NCALD: variants seen among roughly 807,000 people sequenced by gnomAD.
The protein encoded by NCALD is neurocalcin-delta.
Under a neutral mutation model 18.6 loss-of-function variants are expected in NCALD, and 10 were observed. The ratio of observed to expected loss-of-function variants is 0.54; its 90% CI spans 0.33 to 0.91. The LOEUF is 0.91. NCALD is among the 40% of genes least tolerant of loss of function. The pLI, the probability that NCALD is intolerant of heterozygous loss-of-function variation, is 0.03. For missense variants in NCALD, 184 were observed against 247.6 expected (o/e 0.74, Z 1.72); for synonymous variants, 88 against 87.4 (o/e 1.01, Z -0.04).
At chr8:101,857,909 C>A (rs907054536) in intron 4 of NCALD, among the ~76,000 whole-genome samples, 3 of 152,124 alleles carry the variant, frequency 2.0e-5, no homozygotes, top group Non-Finnish European at 2.9e-5. Context: ...TAAAATATTT[C>A]CTGACAAATT....
intron 1 of NCALD, among the ~76,000 whole-genome samples, chr8:102,058,146 C>T (rs1823719190): frequency 6.6e-6 from 1 of 152,184 alleles, no homozygotes; most frequent in South Asian, 2.1e-4. Flanking sequence ...AATGAGGACA[C>T]AGGTCAAACA....
intron 1 of NCALD, among the ~76,000 whole-genome samples, chr8:102,108,248 C>T (rs1825535553): frequency 6.6e-6 from 1 of 152,206 alleles, no homozygotes; most frequent in African/African-American, 2.4e-5. Context: ...CACAAAAACA[C>T]ACATCAATCA....
chr8:101,999,242 T>C (rs181771352), intron 2 of NCALD, among the ~76,000 whole-genome samples: 1 of 152,048 alleles, frequency 6.6e-6, no homozygotes, highest in East Asian at 1.9e-4. Context: ...TGCAAAAATA[T>C]AGAACCAGCC....
chr8:101,807,234 G>T (rs940344556), intron 4 of NCALD, among the ~76,000 whole-genome samples: 1 of 152,086 alleles, frequency 6.6e-6, no homozygotes, highest in Admixed American at 6.5e-5. Context: ...AATTATAAAA[G>T]ATGTCACAAA....
chr8:102,047,024 T>A (rs1165120305), intron 1 of NCALD, among the ~76,000 whole-genome samples: 1 of 152,194 alleles, frequency 6.6e-6, no homozygotes, highest in South Asian at 2.1e-4. Flanking sequence ...TTCTTTGCGT[T>A]CACAGGTTCT....
At chr8:101,837,409 C>T (rs1030086432) in intron 4 of NCALD, among the ~76,000 whole-genome samples, 1 of 149,138 alleles carries the variant, frequency 6.7e-6, no homozygotes, top group Non-Finnish European at 1.5e-5. Context: ...CATTTAATTC[C>T]GTTATTTACA....
At chr8:101,757,825 A>G (rs143552186) in intron 1 of NCALD, among the ~76,000 whole-genome samples, 19 of 152,328 alleles carry the variant, frequency 1.2e-4, no homozygotes, top group African/African-American at 4.6e-4. Context: ...GTAAATGTGA[A>G]CATAATTTCT....
intron 2 of NCALD, among the ~76,000 whole-genome samples, chr8:101,930,771 T>C (rs1159877403): frequency 6.6e-6 from 1 of 152,132 alleles, no homozygotes; most frequent in Non-Finnish European, 1.5e-5. Flanking sequence ...GCAATCCAGA[T>C]AGCAGCATTC....
At chr8:101,694,997 G>A (rs1351614435) in intron 2 of NCALD, among the ~76,000 whole-genome samples, 1 of 152,144 alleles carries the variant, frequency 6.6e-6, no homozygotes. Context: ...CTCCCACAGT[G>A]GAAGCTTTTC....
chr8:102,026,971 G>A (rs1477984701), intron 1 of NCALD, among the ~76,000 whole-genome samples: 1 of 152,234 alleles, frequency 6.6e-6, no homozygotes, highest in Non-Finnish European at 1.5e-5. Context: ...AGTCTGAGCT[G>A]TACGTTGGCT....
At chr8:101,917,604 A>C (rs1432191661) in intron 2 of NCALD, among the ~76,000 whole-genome samples, 2 of 148,362 alleles carry the variant, frequency 1.3e-5, no homozygotes, top group African/African-American at 2.6e-5. Flanking sequence ...ACAAAAAAAA[A>C]GATACAAATA....
intron 2 of NCALD, among the ~76,000 whole-genome samples, chr8:101,958,700 T>C (rs868622580): frequency 9.9e-5 from 15 of 152,106 alleles, no homozygotes; most frequent in African/African-American, 3.1e-4. Flanking sequence ...GGAGGCTAAA[T>C]AACTCACCCA....
chr8:101,821,358 A>G (rs1443909188), intron 4 of NCALD, among the ~76,000 whole-genome samples: 1 of 152,206 alleles, frequency 6.6e-6, no homozygotes, highest in Admixed American at 6.5e-5. Flanking sequence ...ATGTACATTA[A>G]CCAACATATT....
At chr8:101,735,585 G>A (rs541728308) in intron 1 of NCALD, among the ~76,000 whole-genome samples, 1 of 152,226 alleles carries the variant, frequency 6.6e-6, no homozygotes, top group South Asian at 2.1e-4. Context: ...TTTTAAGTAT[G>A]TCCCAAATGT....
intron 2 of NCALD, among the ~76,000 whole-genome samples, chr8:102,015,358 A>G (rs1018151617): frequency 1.3e-5 from 2 of 152,224 alleles, no homozygotes; most frequent in Admixed American, 1.3e-4. Flanking sequence ...CTGCAAAGGA[A>G]CAAAGAAAAA....
chr8:101,752,133 A>C (rs1230102435), intron 1 of NCALD, among the ~76,000 whole-genome samples: 1 of 152,174 alleles, frequency 6.6e-6, no homozygotes, highest in African/African-American at 2.4e-5. Context: ...TGGTCTTCTA[A>C]ATGATCCTTG....
chr8:102,018,284 G>C (rs555273460), intron 2 of NCALD, among the ~76,000 whole-genome samples: 14 of 152,240 alleles, frequency 9.2e-5, no homozygotes, highest in Non-Finnish European at 1.9e-4. Flanking sequence ...CCACACAAAG[G>C]CCTGTTCATG....
At chr8:101,864,562 C>G (rs917825114) in intron 4 of NCALD, among the ~76,000 whole-genome samples, 23 of 151,302 alleles carry the variant, frequency 1.5e-4, no homozygotes, top group African/African-American at 5.6e-4. Flanking sequence ...TTTATATGAC[C>G]TGATAGGATT....
intron 2 of NCALD, among the ~76,000 whole-genome samples, chr8:101,711,006 A>G (rs114812155): frequency 0.026 from 3,929 of 152,196 alleles, 130 homozygotes; most frequent in African/African-American, 0.078. Context: ...GACACCTTAT[A>G]CAGGAGAGCT....
Sources: gnomAD v4.1 joint callset for allele counts (sites outside exome capture counted in the v4.1 genomes callset) on GRCh38, gnomAD v4.1.1 for gene constraint, MANE v1.5 for transcripts, NCBI Gene and HGNC (gene_info 2026-07-23, HGNC 2026-07-21) for gene names.